The following STXBP5L variants were observed in gnomAD, a reference collection of about 807,000 sequenced individuals.
The protein encoded by STXBP5L is syntaxin binding protein 5L, also known as syntaxin-binding protein 5-like.
Under a neutral mutation model 144.5 loss-of-function variants are expected in STXBP5L, and 65 were observed. That is an observed-to-expected ratio of 0.45 (90% confidence interval 0.37 to 0.55). The LOEUF (loss-of-function observed/expected upper bound fraction) is 0.55, where lower values mean the gene tolerates loss of function less well. Ranked by LOEUF, STXBP5L falls within the 20% of genes least tolerant of loss-of-function variation. STXBP5L has a pLI of 0.00. For synonymous variants in STXBP5L, 505 were observed against 469.6 expected (o/e 1.08, Z -0.97); for missense variants, 1,298 against 1,405.5 (o/e 0.92, Z 1.22).
rs1482588090 is a variant in STXBP5L, at chr3:121,295,937, T to A, written c.2110+15981T>A. On this transcript the variant is annotated intron_variant, in intron 19 of 26. Transcript: ENST00000471454. ...TAGAGAATACTGATATTTTATTTGA[T>A]GTTTACAAGTTATTACTTAAAGTAC... Among the ~76,000 whole-genome samples, 5 of 152,334 alleles carry A rather than the reference T, an allele frequency of 3.3e-5. No individual in the cohort carries two copies. In the South Asian group the frequency reaches 1.0e-3, roughly 32 times the overall value.
At chr3:121,008,146 C>T (rs1944489081) in intron 3 of STXBP5L, among the ~76,000 whole-genome samples, 1 of 151,874 alleles carries the variant, frequency 6.6e-6, no homozygotes, top group South Asian at 2.1e-4. Flanking sequence ...GCTGTGCTTT[C>T]TCCATTTGCT....
At chr3:121,111,260 G>T (rs2043974996) in intron 5 of STXBP5L, among the ~76,000 whole-genome samples, 1 of 152,120 alleles carries the variant, frequency 6.6e-6, no homozygotes, top group Non-Finnish European at 1.5e-5. Context: ...TTTCAGCCCT[G>T]CCCAGTTCTG....
chr3:120,970,511 C>CA (rs1940124466), intron 3 of STXBP5L, among the ~76,000 whole-genome samples: 1 of 152,098 alleles, frequency 6.6e-6, no homozygotes, highest in Non-Finnish European at 1.5e-5. Context: ...ATCATCTGGA[C>CA]AGCAGGATTT....
chr3:120,989,619 G>A (rs1262952533), intron 3 of STXBP5L, among the ~76,000 whole-genome samples: 5 of 151,916 alleles, frequency 3.3e-5, no homozygotes, highest in Non-Finnish European at 4.4e-5. Context: ...AGTAAATTGG[G>A]GACTATAACT....
At chr3:121,223,273 A>G (rs1388644498) in intron 11 of STXBP5L, 116 bp downstream of exon 11, 7 of 1,063,484 alleles carry the variant, frequency 6.6e-6, no homozygotes, top group African/African-American at 3.3e-5. Flanking sequence ...GCTGTGAGCT[A>G]CAAGTGCTGG....
At chr3:121,111,169 A>G (rs2043970755) in intron 5 of STXBP5L, among the ~76,000 whole-genome samples, 1 of 152,050 alleles carries the variant, frequency 6.6e-6, no homozygotes, top group Non-Finnish European at 1.5e-5. Flanking sequence ...GCTTCTTTGC[A>G]TTGGGTTAGA....
At chr3:121,332,349 A>T (rs1171502522) in intron 20 of STXBP5L, among the ~76,000 whole-genome samples, 1 of 150,688 alleles carries the variant, frequency 6.6e-6, no homozygotes, top group Non-Finnish European at 1.5e-5. Flanking sequence ...ATGAAAAAAA[A>T]TTTAAAAATA....
At chr3:120,976,538 A>G (rs1031387709) in intron 3 of STXBP5L, among the ~76,000 whole-genome samples, 3 of 151,820 alleles carry the variant, frequency 2.0e-5, no homozygotes, top group African/African-American at 4.8e-5. Context: ...TTATGTCTCT[A>G]TCTCCTTCAG....
intron 9 of STXBP5L, among the ~76,000 whole-genome samples, chr3:121,175,892 CA>C (rs1197841626): frequency 6.7e-6 from 1 of 150,006 alleles, no homozygotes; most frequent in Non-Finnish European, 1.5e-5. Flanking sequence ...AAATGCCAAC[CA>C]AAAGAAAGCT....
intron 5 of STXBP5L, among the ~76,000 whole-genome samples, chr3:121,052,150 G>T (rs1948058929): frequency 6.6e-6 from 1 of 152,126 alleles, no homozygotes; most frequent in African/African-American, 2.4e-5. Context: ...TCTACCCGAG[G>T]TACAAGGAGG....
chr3:121,213,937 G>A lies in STXBP5L; in HGVS notation c.956+7936G>A, dbSNP rs533640272. 3.9e-5 allele frequency among the ~76,000 whole-genome samples: 6 copies of A among 152,208 alleles called. No homozygotes were observed. In the South Asian group the frequency reaches 1.2e-3, roughly 31 times the overall value. Reference sequence around the variant, plus strand: ...AGTTTTTCCTGGGTTAGTCTTGGGAGGGTATATGTGGTTAGGAATTTATCC... The same window carrying A: ...AGTTTTTCCTGGGTTAGTCTTGGGAAGGTATATGTGGTTAGGAATTTATCC... On this transcript the variant is annotated intron_variant, in intron 10 of 26. Transcript: ENST00000471454.
At chr3:121,215,109 A>T (rs887623257) in intron 10 of STXBP5L, among the ~76,000 whole-genome samples, 1 of 151,874 alleles carries the variant, frequency 6.6e-6, no homozygotes, top group East Asian at 1.9e-4. Flanking sequence ...TGCACATAAG[A>T]TGGGTCTCCG....
rs115019710 is a variant in STXBP5L, at chr3:121,316,000, C to A, written c.2111-2475C>A. Among the ~76,000 whole-genome samples, 961 of 97,120 alleles carry A rather than the reference C, an allele frequency of 9.9e-3. 3 individuals are homozygous for A. Among genetic ancestry groups the A allele is most frequent in the South Asian group, 0.022 (63 of 2,848 alleles). 63.7% of individuals were successfully genotyped at this position (97,120 alleles called of 152,430 possible). A position where few individuals can be genotyped will look rare whatever the true frequency, so the allele number is the denominator to read the frequency against. Reference sequence around the variant, plus strand: ...CCTGGGCGATAGTGAGACTCTGTCTCAAAAAAAAAAAAAGGAAGAAAAAAG... The same window carrying A: ...CCTGGGCGATAGTGAGACTCTGTCTAAAAAAAAAAAAAAGGAAGAAAAAAG... On this transcript the variant is annotated intron_variant, in intron 19 of 26. Transcript: ENST00000471454.
intron 2 of STXBP5L, among the ~76,000 whole-genome samples, chr3:120,930,008 T>C (rs1199121655): frequency 6.6e-6 from 1 of 151,932 alleles, no homozygotes; most frequent in Non-Finnish European, 1.5e-5. Flanking sequence ...GTTATAGTTT[T>C]GTAAAATTTT....
Position 121,113,666 on chromosome 3 carries a change from C to CTTTTTTTTT in STXBP5L, c.471-1254_471-1253insTTTTTTTTT, listed in dbSNP as rs1273804231. Among the ~76,000 whole-genome samples the CTTTTTTTTT allele has an allele frequency of 2.9e-4, 38 of 132,894 alleles. 2 individuals carry two copies. Among genetic ancestry groups the CTTTTTTTTT allele is most frequent in the Admixed American group, 8.1e-4 (10 of 12,320 alleles). The allele number at this position is 132,894 out of a possible 152,430, so 87.2% of individuals were successfully genotyped here. On this transcript the variant is annotated intron_variant, in intron 5 of 26. Coordinates refer to ENST00000471454, the MANE Select transcript of STXBP5L (RefSeq NM_001308330.2). ...TGGATGTTCACTTTTATTCTTTTTTCTTTTTCTTTTTTTTTTTTTTTTTTG... is the reference window on the plus strand; with the variant it reads ...TGGATGTTCACTTTTATTCTTTTTTCTTTTTTTTTTTTTTCTTTTTTTTTTTTTTTTTTG...
At chr3:121,173,323 T>TATAATAATAATAATAATAATA (rs35583909) in intron 9 of STXBP5L, among the ~76,000 whole-genome samples, 56 of 146,534 alleles carry the variant, frequency 3.8e-4, no homozygotes, top group Admixed American at 3.4e-4. Flanking sequence ...GAACTTAAAA[T>TATAATAATAATAATAATAATA]ATAATAATAA....
At chr3:120,962,932 G>A (rs1488169974) in intron 3 of STXBP5L, among the ~76,000 whole-genome samples, 1 of 152,108 alleles carries the variant, frequency 6.6e-6, no homozygotes, top group African/African-American at 2.4e-5. Flanking sequence ...CCATTTGTTT[G>A]TGTCCTCTTT....
At position 121,078,407 on chromosome 3, in the gene STXBP5L, C is replaced by A. The variant is rs2042112950; in HGVS notation, c.470+32872C>A. Among the ~76,000 whole-genome samples, 4 of 152,352 alleles carry A rather than the reference C, an allele frequency of 2.6e-5. No individual in the cohort carries two copies. The South Asian group carries it at 8.3e-4, about 32-fold the overall frequency. ...GAGTGCCAATTGGTGTGTTTACAAT[C>A]CCTTAGCTAGACATAAAGGTTCTCC... On this transcript the variant is annotated intron_variant, in intron 5 of 26. Transcript: ENST00000471454.
In STXBP5L at chr3:121,345,638, G is replaced by T. The variant is rs532219312; in HGVS notation, c.2176+27098G>T. ...ACACTCCCACAAACAGTGTAAAAGC[G>T]TGCCTATTTCTCCACATCCTCTCCA... On this transcript the variant is annotated intron_variant, in intron 20 of 26. Coordinates refer to ENST00000471454, the MANE Select transcript of STXBP5L (RefSeq NM_001308330.2). 2.3e-4 allele frequency among the ~76,000 whole-genome samples: 35 copies of T among 152,078 alleles called. No individual in the cohort carries two copies. In the South Asian group the frequency reaches 3.3e-3, roughly 14 times the overall value.
Sources: gnomAD v4.1 joint callset for allele counts (sites outside exome capture counted in the v4.1 genomes callset) on GRCh38, gnomAD v4.1.1 for gene constraint, MANE v1.5 for transcripts, NCBI Gene and HGNC (gene_info 2026-07-23, HGNC 2026-07-21) for gene names.